Variants in CCDC137 observed in about 807,000 individuals in gnomAD.
CCDC137 encodes coiled-coil domain containing 137.
In CCDC137, 24 loss-of-function variants were observed where a neutral mutation model predicts 30.4. The observed-to-expected ratio is 0.79, with a 90% CI of 0.57 to 1.11. The LOEUF is 1.11. Among genes scored for constraint, CCDC137 ranks in the 50% least tolerant of loss-of-function variants. The pLI is 0.00. For missense variants in CCDC137, 417 were observed against 380.4 expected, an observed-to-expected ratio of 1.10 and a Z score of -0.80; for synonymous variants, 182 against 155.7, an observed-to-expected ratio of 1.17 and a Z score of -1.26.
intron 2 of CCDC137, 105 bp downstream of exon 2, chr17:81,667,967 C>T: frequency 7.3e-7 from 1 of 1,377,618 alleles, no homozygotes; most frequent in South Asian, 1.4e-5. Flanking sequence ...TATGCCAAGA[C>T]CCGGTGCTCA....
At chr17:81,667,639 T>G in intron 1 of CCDC137, 90 bp from the exon 2 acceptor site, 1 of 1,512,316 alleles carries the variant, frequency 6.6e-7, no homozygotes, top group South Asian at 1.2e-5. Flanking sequence ...CCCGTGTAGA[T>G]TCTATTGCCA....
chr17:81,667,751 T>A lies in CCDC137; in HGVS notation c.157T>A (p.Cys53Ser). ...LRSKEKKKVN[C>S]KPKNQDEQEI... ...CAGCAAAGAGAAGAAGAAAGTGAAC[T>A]GCAAGCCCAAGAACCAGGACGAACA... Residue 53 changes from cysteine to serine, a missense_variant, in exon 2 of 6, where the codon TGC becomes AGC. Coordinates refer to ENST00000329214, the MANE Select transcript of CCDC137 (RefSeq NM_199287.3). 1.2e-6 allele frequency: 2 copies of A among 1,613,806 alleles called. No individual in the cohort carries two copies. The highest frequency in any genetic ancestry group is 1.7e-6 in the Non-Finnish European group (2 of 1,179,980).
At chr17:81,672,199 G>C (rs1244426885) in intron 5 of CCDC137, 44 bp downstream of exon 5, 1 of 1,586,196 alleles carries the variant, frequency 6.3e-7, no homozygotes. Flanking sequence ...CCCCAGTGCT[G>C]CCAGGGAACA....
At chr17:81,670,521 C>G in intron 3 of CCDC137, 68 bp downstream of exon 3, 2 of 1,368,070 alleles carry the variant, frequency 1.5e-6, no homozygotes, top group Non-Finnish European at 2.0e-6. Flanking sequence ...GTTCCCATGA[C>G]GGCCCTCTGC....
At chr17:81,670,651 C>T (rs1288501397) in intron 3 of CCDC137, among the ~76,000 whole-genome samples, 198 bp downstream of exon 3, 1 of 152,188 alleles carries the variant, frequency 6.6e-6, no homozygotes, top group African/African-American at 2.4e-5. Flanking sequence ...CTCCAGGAGG[C>T]TGCGGAACCT....
intron 1 of CCDC137, among the ~76,000 whole-genome samples, chr17:81,667,345 G>A (rs1042921513): frequency 4.7e-5 from 7 of 147,840 alleles, no homozygotes; most frequent in African/African-American, 1.8e-4. Flanking sequence ...TTTTGAGACG[G>A]AGTCTCACTC....
intron 2 of CCDC137, 42 bp downstream of exon 2, chr17:81,667,904 G>C (rs1297094959): frequency 1.3e-6 from 2 of 1,596,282 alleles, no homozygotes; most frequent in Non-Finnish European, 1.7e-6. Context: ...AGCTTTGTGT[G>C]TCTCAACCCG....
At position 81,671,844 on chromosome 17, in the gene CCDC137, G is replaced by A. The variant is rs369330175; in HGVS notation, c.580+18G>A. ...GCTCCGAGGTAGCTCTTCCCAAAGC[G>A]ATGGTGTCAGCAGTGGTCCGGGTGG... is the stretch of plus-strand genomic sequence containing the variant. On this transcript the variant is annotated intron_variant, in intron 4 of 5. Transcript: ENST00000329214. 16 of 1,613,050 alleles carry A rather than the reference G, an allele frequency of 9.9e-6. No homozygotes were observed. Among genetic ancestry groups the A allele is most frequent in the Admixed American group, 3.3e-5 (2 of 59,886 alleles).
At chr17:81,671,467 A>G in intron 3 of CCDC137, 1 of 447,358 alleles carries the variant, frequency 2.2e-6, no homozygotes, top group Non-Finnish European at 4.1e-6. Context: ...GCCCTTGCCC[A>G]CGTGTCTGCA....
chr17:81,672,221 C>T (rs536524331), intron 5 of CCDC137, 66 bp downstream of exon 5: 138 of 1,508,600 alleles, frequency 9.1e-5, no homozygotes, highest in South Asian at 4.9e-4. Flanking sequence ...AAGCCTTGGA[C>T]AGGCTGGACA....
Position 81,670,274 on chromosome 17 carries a change from G to A in CCDC137, c.318G>A (p.Glu106=). ...KTLEKEAKGE[E]PDIAVPKFKQ... ...TGGAGAAGGAAGCAAAGGGAGAGGAGCCCGACATCGCAGTCCCCAAGTTCA... is the reference window on the plus strand; with the variant it reads ...TGGAGAAGGAAGCAAAGGGAGAGGAACCCGACATCGCAGTCCCCAAGTTCA... Residue 106 remains glutamate, a synonymous_variant, in exon 3 of 6, where the codon GAG becomes GAA. Transcript: ENST00000329214. 1 of 1,614,048 alleles carries A rather than the reference G, an allele frequency of 6.2e-7. No homozygotes were observed. The highest frequency in any genetic ancestry group is 8.5e-7 in the Non-Finnish European group (1 of 1,180,036).
chr17:81,668,117 G>T (rs2036669921), intron 2 of CCDC137, among the ~76,000 whole-genome samples: 1 of 152,090 alleles, frequency 6.6e-6, no homozygotes, highest in South Asian at 2.1e-4. Flanking sequence ...CTAAGGAGCG[G>T]CGTTTTTTTC....
In CCDC137 at chr17:81,670,465, C is replaced by A; in HGVS notation, c.497+12C>A. The A allele has an allele frequency of 6.2e-7, 1 of 1,604,388 alleles. No individual in the cohort carries two copies. Among genetic ancestry groups the A allele is most frequent in the Non-Finnish European group, 8.5e-7 (1 of 1,174,630 alleles). On this transcript the variant is annotated intron_variant, in intron 3 of 5. Transcript: ENST00000329214. ...AAAGCAAAAAAAGCGTGAGTGGAGG[C>A]GGGAGGGGGAGGGGTCTGCCCTGGG...
At chr17:81,670,478 G>C in intron 3 of CCDC137, 25 bp downstream of exon 3, 27 of 1,565,026 alleles carry the variant, frequency 1.7e-5, no homozygotes, top group Non-Finnish European at 2.2e-5. Context: ...GAGGGGGAGG[G>C]GTCTGCCCTG....
intron 3 of CCDC137, 107 bp downstream of exon 3, chr17:81,670,560 G>T (rs781667051): frequency 6.5e-5 from 65 of 1,001,698 alleles, no homozygotes; most frequent in Non-Finnish European, 8.9e-5. Context: ...CCATGGGGCA[G>T]CCTGGATTCA....
chr17:81,672,265 G>A lies in CCDC137; in HGVS notation c.660+110G>A, dbSNP rs571013111. On this transcript the variant is annotated intron_variant, in intron 5 of 5. Transcript: ENST00000329214. ...CACACCTGTAATCCCAGCACATTGG[G>A]AGGCCAAGGCAGGCGGATTGCTTGA... The A allele has an allele frequency of 5.1e-6, 6 of 1,179,276 alleles. No homozygotes were observed. The African/African-American group carries it at 7.6e-5, about 15-fold the overall frequency. 73.1% of individuals were successfully genotyped at this position (1,179,276 alleles called of 1,614,324 possible). A position where few individuals can be genotyped will look rare whatever the true frequency, so the allele number is the denominator to read the frequency against.
At chr17:81,672,292 C>G in intron 5 of CCDC137, 137 bp downstream of exon 5, 1 of 1,001,938 alleles carries the variant, frequency 1.0e-6, no homozygotes, top group Non-Finnish European at 1.5e-6. Flanking sequence ...ATTGCTTGAG[C>G]CCAGGAGTTG....
Position 81,666,787 on chromosome 17 carries a change from A to C in CCDC137, c.21A>C (p.Gly7=). 1 of 1,468,906 alleles carries C rather than the reference A, an allele frequency of 6.8e-7. No homozygotes were observed. The highest frequency in any genetic ancestry group is 9.0e-7 in the Non-Finnish European group (1 of 1,115,486). 91.0% of individuals were successfully genotyped at this position (1,468,906 alleles called of 1,614,324 possible). The change falls in exon 1 of 6, where the codon GGA becomes GGC. Residue 7 remains glycine (G), a synonymous_variant. Transcript: ENST00000329214. MAGAGR[G]AAVSRVQAGP... is the part of the protein sequence containing the mutation. ...TGGAGATGGCGGGAGCTGGTCGCGG[A>C]GCAGCGGTGTCCAGGGTGCAGGCGG...
intron 1 of CCDC137, chr17:81,667,103 C>T: frequency 4.0e-6 from 2 of 495,420 alleles, no homozygotes; most frequent in Middle Eastern, 5.6e-4. Flanking sequence ...TTGGTTTTGC[C>T]TTTCCCGCGT....
Sources: gnomAD v4.1 joint callset for allele counts (sites outside exome capture counted in the v4.1 genomes callset) on GRCh38, gnomAD v4.1.1 for gene constraint, MANE v1.5 for transcripts, NCBI Gene and HGNC (gene_info 2026-07-23, HGNC 2026-07-21) for gene names.